Variants in DLG2 observed in about 807,000 individuals in gnomAD.
The protein encoded by DLG2 is discs large MAGUK scaffold protein 2.
A neutral mutation model predicts 132.5 loss-of-function variants in DLG2; 45 were observed. The observed-to-expected ratio is 0.34, with a 90% confidence interval of 0.27 to 0.44. The LOEUF is 0.44. Among genes scored for constraint, DLG2 ranks in the 20% least tolerant of loss-of-function variants. DLG2 has a pLI of 1.00. For missense variants in DLG2, 1,045 were observed against 1,196.9 expected (o/e 0.87, Z 1.87); for synonymous variants, 424 against 419.6 (o/e 1.01, Z -0.13).
At chr11:83,574,364 T>A (rs1167110702) in intron 19 of DLG2, among the ~76,000 whole-genome samples, 3 of 152,176 alleles carry the variant, frequency 2.0e-5, no homozygotes, top group Non-Finnish European at 4.4e-5. Flanking sequence ...ACTAAACTTA[T>A]CCCAAGTATA....
chr11:83,664,272 T>C (rs2075036708), intron 18 of DLG2, among the ~76,000 whole-genome samples: 2 of 152,214 alleles, frequency 1.3e-5, no homozygotes, highest in Admixed American at 6.5e-5. Context: ...TGTGAAGGAA[T>C]ACTTAAAAGC....
At chr11:84,079,051 T>C (rs1474993355) in intron 10 of DLG2, among the ~76,000 whole-genome samples, 1 of 152,232 alleles carries the variant, frequency 6.6e-6, no homozygotes, top group African/African-American at 2.4e-5. Flanking sequence ...GGGTATTATA[T>C]ACTCAGCACC....
At chr11:84,659,423 C>T (rs1457394065) in intron 6 of DLG2, among the ~76,000 whole-genome samples, 1 of 152,068 alleles carries the variant, frequency 6.6e-6, no homozygotes, top group Non-Finnish European at 1.5e-5. Context: ...TATCTCTTGA[C>T]TACCAATAAA....
intron 6 of DLG2, among the ~76,000 whole-genome samples, chr11:84,962,130 G>T (rs929004090): frequency 6.6e-6 from 1 of 152,230 alleles, no homozygotes; most frequent in African/African-American, 2.4e-5. Flanking sequence ...GCACATACAC[G>T]GTGCTTTACA....
At position 83,665,143 on chromosome 11, in the gene DLG2, T is replaced by G. The variant is rs1462600546; in HGVS notation, c.1826-31818A>C. Among the ~76,000 whole-genome samples the G allele has an allele frequency of 2.0e-5, 3 of 152,306 alleles. No homozygotes were observed. In the East Asian group the frequency reaches 5.8e-4, roughly 29 times the overall value. On this transcript the variant is annotated intron_variant, in intron 18 of 27. Coordinates refer to ENST00000376104, the MANE Select transcript of DLG2 (RefSeq NM_001142699.3). Reference sequence around the variant, plus strand: ...GAAGTGTGTGCCTGTAAGAGATGACTGGTACTCAGCTTGAAAGAGAGAAGG... The same window carrying G: ...GAAGTGTGTGCCTGTAAGAGATGACGGGTACTCAGCTTGAAAGAGAGAAGG...
intron 3 of DLG2, among the ~76,000 whole-genome samples, chr11:85,459,577 C>T (rs1013014835): frequency 1.3e-5 from 2 of 151,980 alleles, no homozygotes; most frequent in African/African-American, 2.4e-5. Flanking sequence ...GGTGCAAAGC[C>T]GGGGCCCTGC....
At chr11:83,487,655 TC>T (rs1380375225) in intron 21 of DLG2, among the ~76,000 whole-genome samples, 1 of 152,096 alleles carries the variant, frequency 6.6e-6, no homozygotes, top group Non-Finnish European at 1.5e-5. Context: ...AGTGTGTTCT[TC>T]CCACAGCTTG....
intron 3 of DLG2, among the ~76,000 whole-genome samples, chr11:85,476,761 T>A (rs1336697873): frequency 1.3e-5 from 2 of 152,130 alleles, no homozygotes; most frequent in Non-Finnish European, 2.9e-5. Context: ...GACAATAACA[T>A]ACATGGATCT....
At chr11:84,401,728 T>C (rs1214908267) in intron 7 of DLG2, among the ~76,000 whole-genome samples, 1 of 152,148 alleles carries the variant, frequency 6.6e-6, no homozygotes, top group Non-Finnish European at 1.5e-5. Context: ...AACTGAGTCA[T>C]CTTTTTAGCA....
chr11:85,144,279 A>G (rs2076690932), intron 5 of DLG2, among the ~76,000 whole-genome samples: 2 of 150,770 alleles, frequency 1.3e-5, no homozygotes, highest in South Asian at 4.2e-4. Context: ...TTTGTACAGA[A>G]TATCTTTTTC....
intron 7 of DLG2, among the ~76,000 whole-genome samples, chr11:84,311,276 C>T (rs957364216): frequency 7.9e-5 from 12 of 152,082 alleles, no homozygotes; most frequent in Non-Finnish European, 2.9e-5. Flanking sequence ...GTAAGTTCTT[C>T]AGGATAAAAA....
intron 16 of DLG2, among the ~76,000 whole-genome samples, chr11:83,872,996 A>G (rs1442539535): frequency 6.6e-6 from 1 of 152,206 alleles, no homozygotes; most frequent in Non-Finnish European, 1.5e-5. Flanking sequence ...GGTTAGAGTC[A>G]TTCTAGTTCT....
chr11:85,316,076 T>G (rs2080651077), intron 3 of DLG2, among the ~76,000 whole-genome samples: 1 of 152,000 alleles, frequency 6.6e-6, no homozygotes, highest in Non-Finnish European at 1.5e-5. Context: ...TCACCACTTA[T>G]TACATTAGCT....
chr11:83,793,137 C>A (rs546080463), intron 17 of DLG2, among the ~76,000 whole-genome samples: 28 of 152,064 alleles, frequency 1.8e-4, no homozygotes, highest in Non-Finnish European at 3.1e-4. Flanking sequence ...GCAGTTTGCT[C>A]TTTCAAAAAA....
chr11:84,019,060 T>C (rs1308167383), intron 11 of DLG2, among the ~76,000 whole-genome samples: 1 of 152,040 alleles, frequency 6.6e-6, no homozygotes. Flanking sequence ...ATTTTTGTTC[T>C]AGGTGGTAGT....
At chr11:85,563,957 C>T (rs531969844) in intron 3 of DLG2, among the ~76,000 whole-genome samples, 37 of 152,150 alleles carry the variant, frequency 2.4e-4, no homozygotes, top group Non-Finnish European at 4.9e-4. Context: ...GCCAACATTT[C>T]GTATAAGCTT....
At chr11:85,227,758 C>G (rs1365388620) in intron 4 of DLG2, among the ~76,000 whole-genome samples, 1 of 152,090 alleles carries the variant, frequency 6.6e-6, no homozygotes, top group Admixed American at 6.6e-5. Flanking sequence ...CATCCATGAT[C>G]TTATATGATG....
chr11:83,508,065 G>A (rs2094821441), intron 21 of DLG2, among the ~76,000 whole-genome samples: 1 of 151,704 alleles, frequency 6.6e-6, no homozygotes, highest in Non-Finnish European at 1.5e-5. Flanking sequence ...GATTAAGGGT[G>A]GGTCTGCCTT....
At chr11:84,456,563 A>T (rs1365078261) in intron 7 of DLG2, among the ~76,000 whole-genome samples, 1 of 151,218 alleles carries the variant, frequency 6.6e-6, no homozygotes, top group Non-Finnish European at 1.5e-5. Context: ...CACCACATAC[A>T]TTATCTTCTC....
Sources: gnomAD v4.1 joint callset for allele counts (sites outside exome capture counted in the v4.1 genomes callset) on GRCh38, gnomAD v4.1.1 for gene constraint, MANE v1.5 for transcripts, NCBI Gene and HGNC (gene_info 2026-07-23, HGNC 2026-07-21) for gene names.